MTOR: variants seen among roughly 807,000 people sequenced by gnomAD.
The protein encoded by MTOR is mechanistic target of rapamycin kinase.
In MTOR, 70 loss-of-function variants were observed where a neutral mutation model predicts 319.8. The ratio of observed to expected loss-of-function variants is 0.22; its 90% CI spans 0.18 to 0.27. MTOR has a LOEUF of 0.27. MTOR is among the 10% of genes least tolerant of loss of function. The pLI is 1.00. For missense variants in MTOR, 1,890 were observed against 3,274.4 expected, an observed-to-expected ratio of 0.58 and a Z score of 10.32; for synonymous variants, 1,183 against 1,211.4, an observed-to-expected ratio of 0.98 and a Z score of 0.49.
chr1:11,212,716 G>T lies in MTOR; in HGVS notation c.3398+80C>A. On this transcript the variant is annotated intron_variant, in intron 22 of 57. Transcript: ENST00000361445. This position sits in a 1 kb window ranked among gnomAD's most constrained non-coding sequence, Gnocchi z 4.1. ...AAATAACAAAAAAAATAGAAAGATGGCCTGGGAACTTAAGAAATGAACATT... is the reference window on the plus strand; with the variant it reads ...AAATAACAAAAAAAATAGAAAGATGTCCTGGGAACTTAAGAAATGAACATT... 1 of 1,281,178 alleles carries T rather than the reference G, an allele frequency of 7.8e-7. No individual in the cohort carries two copies. Among genetic ancestry groups the T allele is most frequent in the Non-Finnish European group, 1.1e-6 (1 of 895,608 alleles). 79.4% of individuals were successfully genotyped at this position (1,281,178 alleles called of 1,614,324 possible). A position where few individuals can be genotyped will look rare whatever the true frequency, so the allele number is the denominator to read the frequency against.
At chr1:11,163,523 A>G (rs959334730) in intron 29 of MTOR, among the ~76,000 whole-genome samples, 29 of 152,190 alleles carry the variant, frequency 1.9e-4, no homozygotes, top group African/African-American at 7.0e-4. Flanking sequence ...AATTGACCAC[A>G]TAGTTGGAAG....
intron 38 of MTOR, 128 bp from the exon 39 acceptor site, chr1:11,130,905 C>A (rs1014565696): frequency 1.7e-6 from 2 of 1,201,470 alleles, no homozygotes; most frequent in African/African-American, 3.1e-5. Context: ...GCAAACACTT[C>A]AAGGAGACAC....
intron 3 of MTOR, 90 bp from the exon 4 acceptor site, chr1:11,257,255 G>T: frequency 8.7e-7 from 1 of 1,149,644 alleles, no homozygotes; most frequent in Non-Finnish European, 1.3e-6. Context: ...GTGAGTGCCG[G>T]CCAGGCACGG....
In MTOR at chr1:11,213,410, C is replaced by A. The variant is rs368318161; in HGVS notation, c.3274G>T (p.Val1092Phe). ...FMHDNSPGRI[V>F]SIKLLAAIQL... ...CGTAGGCTACTCACCTTGATAGAGA[C>A]AATGCGGCCTGGGCTGTTGTCATGC... The change falls in exon 21 of 58, where the codon GTC (valine) becomes TTC (phenylalanine). Residue 1092 changes from valine to phenylalanine, a missense_variant. This residue lies in a region of MTOR where 377 missense variants were observed against 653.9 expected (regional missense o/e 0.58). Coordinates refer to ENST00000361445, the MANE Select transcript of MTOR (RefSeq NM_004958.4). The A allele has an allele frequency of 6.2e-7, 1 of 1,612,106 alleles. No homozygotes were observed. Among genetic ancestry groups the A allele is most frequent in the Non-Finnish European group, 8.5e-7 (1 of 1,179,726 alleles).
intron 36 of MTOR, 44 bp downstream of exon 36, chr1:11,139,260 A>G (rs375579602): frequency 8.3e-6 from 13 of 1,559,750 alleles, no homozygotes; most frequent in Non-Finnish European, 1.0e-5. Flanking sequence ...TTAGGCGAGC[A>G]TTCTGGAGAA....
intron 6 of MTOR, among the ~76,000 whole-genome samples, chr1:11,251,633 A>G (rs767289342): frequency 6.7e-6 from 1 of 150,166 alleles, no homozygotes; most frequent in Non-Finnish European, 1.5e-5. Flanking sequence ...TGAAATTTTA[A>G]TACCTTATAT....
In MTOR at chr1:11,238,493, G is replaced by T. The variant is rs1252509513; in HGVS notation, c.1911C>A (p.Ile637=). ...SRLLTPSIHL[I]SGHAHVVSQT... is the part of the protein sequence containing the mutation. ...GGCTAACCACATGAGCATGGCCACT[G>T]ATGAGGTGGATGGAGGGTGTGAGCA... is the stretch of plus-strand genomic sequence containing the variant. Residue 637 remains isoleucine, a synonymous_variant, in exon 12 of 58, where the codon ATC becomes ATA. Transcript: ENST00000361445. 6.2e-7 allele frequency: 1 copy of T among 1,614,250 alleles called. No individual in the cohort carries two copies.
At chr1:11,150,084 C>G (rs773032754) in intron 31 of MTOR, 42 bp downstream of exon 31, 8 of 1,574,268 alleles carry the variant, frequency 5.1e-6, no homozygotes, top group Admixed American at 1.7e-5. Flanking sequence ...CCTAGCCTCA[C>G]TCACCCCATC....
chr1:11,236,814 A>G (rs555012023), intron 13 of MTOR, among the ~76,000 whole-genome samples: 1 of 152,210 alleles, frequency 6.6e-6, no homozygotes, highest in East Asian at 1.9e-4. Flanking sequence ...CCCGGCCTTC[A>G]ACAATGATTT....
intron 36 of MTOR, among the ~76,000 whole-genome samples, chr1:11,137,270 G>C (rs1365298813): frequency 6.6e-6 from 1 of 151,650 alleles, no homozygotes; most frequent in Non-Finnish European, 1.5e-5. Context: ...GCTAAACTAG[G>C]AACTCTGATG....
At chr1:11,254,507 A>C (rs191041577) in intron 5 of MTOR, among the ~76,000 whole-genome samples, 2 of 152,252 alleles carry the variant, frequency 1.3e-5, no homozygotes, top group Admixed American at 1.3e-4. Context: ...ACAGCTAAAA[A>C]CACAGGCTCA....
At chr1:11,208,728 T>C (rs565031935) in intron 25 of MTOR, among the ~76,000 whole-genome samples, 1 of 152,358 alleles carries the variant, frequency 6.6e-6, no homozygotes, top group African/African-American at 2.4e-5. Flanking sequence ...ATGGCATACA[T>C]GGTGAAAAGC....
At chr1:11,251,358 T>C (rs184283701) in intron 6 of MTOR, among the ~76,000 whole-genome samples, 212 of 152,320 alleles carry the variant, frequency 1.4e-3, no homozygotes, top group African/African-American at 4.8e-3. Flanking sequence ...ACCTCCTTCA[T>C]GGCTGTGCTC....
At chr1:11,221,762 T>C (rs1241539272) in intron 19 of MTOR, among the ~76,000 whole-genome samples, 1 of 148,796 alleles carries the variant, frequency 6.7e-6, no homozygotes, top group Admixed American at 6.8e-5. Flanking sequence ...AAATACTCTA[T>C]ATAGAGAGCT....
chr1:11,163,988 T>C (rs1387902948), intron 29 of MTOR, among the ~76,000 whole-genome samples: 2 of 152,022 alleles, frequency 1.3e-5, no homozygotes, highest in African/African-American at 4.8e-5. Context: ...AATCAATGAA[T>C]CCAGGAGCTG....
chr1:11,216,475 G>T (rs960776914), intron 19 of MTOR, among the ~76,000 whole-genome samples: 22 of 152,070 alleles, frequency 1.4e-4, no homozygotes, highest in African/African-American at 5.3e-4. Flanking sequence ...GCAACATGGC[G>T]AGATCCTGTC....
intron 1 of MTOR, among the ~76,000 whole-genome samples, chr1:11,259,990 A>G (rs921895697): frequency 3.9e-4 from 60 of 152,328 alleles, no homozygotes; most frequent in Middle Eastern, 3.4e-3. Flanking sequence ...ATAGGAAGAT[A>G]ATAGTACCTA....
At chr1:11,108,122 GCCTAGGCTTGGGA>G in intron 57 of MTOR, 46 bp downstream of exon 57, 1 of 1,379,520 alleles carries the variant, frequency 7.2e-7, no homozygotes, top group South Asian at 1.2e-5. Flanking sequence ...TGGCTTTGGG[GCCTAGGCTTGGGA>G]CCTGATTGCT....
At chr1:11,194,355 C>T (rs1645690453) in intron 28 of MTOR, 1 of 1,039,612 alleles carries the variant, frequency 9.6e-7, no homozygotes, top group African/African-American at 1.6e-5. Flanking sequence ...AGATTCACAC[C>T]TATAAAAAGA....
Sources: allele counts gnomAD v4.1 joint callset (sites outside exome capture counted in the v4.1 genomes callset), GRCh38; gene constraint gnomAD v4.1.1; regional missense constraint gnomAD v4.1.1; non-coding constraint Gnocchi (gnomAD v3.1); transcripts MANE v1.5; gene names NCBI Gene and HGNC (gene_info 2026-07-23, HGNC 2026-07-21).